The following BCL9 variants were observed in gnomAD, a reference collection of about 807,000 sequenced individuals.
The protein encoded by BCL9 is B-cell CLL/lymphoma 9 protein.
BCL9 carries 25 observed loss-of-function variants against 88.5 expected under a neutral mutation model. The observed-to-expected ratio is 0.28, with a 90% CI of 0.21 to 0.39. BCL9 has a LOEUF of 0.39. BCL9 is among the 10% of genes least tolerant of loss of function. The probability of loss-of-function intolerance (pLI) is 1.00; values close to 1 mark genes in which losing one functional copy is unlikely to be tolerated. For synonymous variants in BCL9, 711 were observed against 673.3 expected (o/e 1.06, Z -0.87); for missense variants, 1,817 against 1,877.8 (o/e 0.97, Z 0.60).
chr1:147,573,805 A>G (rs1655991163), intron 1 of BCL9, among the ~76,000 whole-genome samples: 1 of 152,176 alleles, frequency 6.6e-6, no homozygotes, highest in Non-Finnish European at 1.5e-5. Flanking sequence ...TCTTTAAGTC[A>G]CACAGCTGGT....
rs868931551 is a variant in BCL9 at position 147,619,441 on chromosome 1, C to T, written c.1286C>T (p.Pro429Leu). 1 of 1,614,114 alleles carries T rather than the reference C, an allele frequency of 6.2e-7. No homozygotes were observed. Among genetic ancestry groups the T allele is most frequent in the South Asian group, 1.1e-5 (1 of 91,074 alleles). Residue 429 changes from proline to leucine, a missense_variant, in exon 8 of 10, where the codon CCA becomes CTA. By Grantham distance (98) the Pro-to-Leu change is moderately conservative. Coordinates refer to ENST00000234739, the MANE Select transcript of BCL9 (RefSeq NM_004326.4). This position sits in a 1 kb window ranked among gnomAD's most constrained non-coding sequence, Gnocchi z 4.1. ...GGGCCCCGGACAGACGTGGGAGCTC[C>T]ATTTGGCCCTCAAGGACATAGAGAT... is the stretch of plus-strand genomic sequence containing the variant. ...GPGPRTDVGA[P>L]FGPQGHRDVP...
intron 1 of BCL9, among the ~76,000 whole-genome samples, chr1:147,568,840 A>T (rs932664170): frequency 2.1e-4 from 32 of 152,108 alleles, no homozygotes; most frequent in Admixed American, 2.1e-3. Flanking sequence ...TTTTCTCAGG[A>T]GTTTATGTCT....
intron 1 of BCL9, among the ~76,000 whole-genome samples, chr1:147,580,646 G>A (rs782150229): frequency 7.9e-5 from 12 of 152,134 alleles, no homozygotes; most frequent in Admixed American, 5.9e-4. Flanking sequence ...ATAGAAAAGC[G>A]AAGAATTAAA....
At chr1:147,613,986 G>A (rs782481288) in intron 5 of BCL9, among the ~76,000 whole-genome samples, 3 of 152,146 alleles carry the variant, frequency 2.0e-5, no homozygotes, top group African/African-American at 7.2e-5. Context: ...CCTGCTATGA[G>A]TGCCAGCACT....
chr1:147,570,630 C>CTTTTCTTTTTTTTTTTTT lies in BCL9; in HGVS notation c.-478+28960_-478+28961insCTTTTTTTTTTTTTTTTT, dbSNP rs1357272075. On this transcript the variant is annotated intron_variant, in intron 1 of 9. Coordinates refer to ENST00000234739, the MANE Select transcript of BCL9 (RefSeq NM_004326.4). ...TAACACAAAATTGTTGACTGATTTT[C>CTTTTCTTTTTTTTTTTTT]TTTTTTTTCTTTTTTTTTTTTGTAG... Among the ~76,000 whole-genome samples, 13 of 15,170 alleles carry CTTTTCTTTTTTTTTTTTT rather than the reference C, an allele frequency of 8.6e-4. 2 individuals are homozygous for CTTTTCTTTTTTTTTTTTT. Among genetic ancestry groups the CTTTTCTTTTTTTTTTTTT allele is most frequent in the East Asian group, 2.3e-3 (1 of 432 alleles). The allele number at this position is 15,170 out of a possible 152,430, so 10.0% of individuals were successfully genotyped here.
At chr1:147,580,102 A>G (rs1656298456) in intron 1 of BCL9, among the ~76,000 whole-genome samples, 1 of 152,194 alleles carries the variant, frequency 6.6e-6, no homozygotes, top group Admixed American at 6.5e-5. Flanking sequence ...CCTCCATGCC[A>G]TAGGTCTGGG....
At position 147,619,272 on chromosome 1, in the gene BCL9, C is replaced by G; in HGVS notation, c.1117C>G (p.Leu373Val). ...AACTCTCAGAGATATCCAGCGCATGCTTTTTCCTGATGAGAAAGAATTCAC... is the reference window on the plus strand; with the variant it reads ...AACTCTCAGAGATATCCAGCGCATGGTTTTTCCTGATGAGAAAGAATTCAC... ...LQTLRDIQRM[L>V]FPDEKEFTGA... Residue 373 changes from leucine (L) to valine (V), a missense_variant, in exon 8 of 10, where the codon CTT becomes GTT. By Grantham distance (32) the Leu-to-Val change is conservative. This residue lies in a region of BCL9 where 1,228 missense variants were observed against 1,191.6 expected (regional missense o/e 1.03). Coordinates refer to ENST00000234739, the MANE Select transcript of BCL9 (RefSeq NM_004326.4). This position sits in a 1 kb window ranked among gnomAD's most constrained non-coding sequence, Gnocchi z 4.1. 1 of 1,614,176 alleles carries G rather than the reference C, an allele frequency of 6.2e-7. No individual in the cohort carries two copies. Among genetic ancestry groups the G allele is most frequent in the Non-Finnish European group, 8.5e-7 (1 of 1,180,042 alleles).
intron 1 of BCL9, among the ~76,000 whole-genome samples, chr1:147,575,721 AT>A (rs1488460518): frequency 1.3e-5 from 2 of 152,166 alleles, no homozygotes; most frequent in Non-Finnish European, 2.9e-5. Flanking sequence ...CACTATATTT[AT>A]CTACTTAATG....
At chr1:147,623,541 C>T (rs914101491) in intron 9 of BCL9, among the ~76,000 whole-genome samples, 3 of 152,172 alleles carry the variant, frequency 2.0e-5, no homozygotes, top group Non-Finnish European at 2.9e-5. Context: ...TTAAATATCT[C>T]CAATGAGGAA....
intron 1 of BCL9, among the ~76,000 whole-genome samples, chr1:147,542,733 G>A (rs1654391619): frequency 1.3e-5 from 2 of 152,086 alleles, no homozygotes; most frequent in Admixed American, 1.3e-4. Flanking sequence ...TGGGGTGGGA[G>A]GGGTTGGGTT....
At chr1:147,584,591 G>C (rs370907909) in intron 1 of BCL9, among the ~76,000 whole-genome samples, 1 of 152,076 alleles carries the variant, frequency 6.6e-6, no homozygotes, top group Non-Finnish European at 1.5e-5. Flanking sequence ...TCTTGTTTTT[G>C]TTGCTGATTC....
At chr1:147,568,408 A>T (rs1655710268) in intron 1 of BCL9, among the ~76,000 whole-genome samples, 1 of 151,932 alleles carries the variant, frequency 6.6e-6, no homozygotes, top group African/African-American at 2.4e-5. Context: ...TGAAGGCTTA[A>T]ATTCCTTCTA....
chr1:147,584,747 G>A (rs1250984767), intron 1 of BCL9, among the ~76,000 whole-genome samples: 1 of 152,134 alleles, frequency 6.6e-6, no homozygotes, highest in Admixed American at 6.5e-5. Flanking sequence ...CCTTCTTTTG[G>A]TCAATTTGTC....
intron 3 of BCL9, among the ~76,000 whole-genome samples, chr1:147,607,247 T>C (rs898519109): frequency 3.3e-5 from 5 of 152,218 alleles, no homozygotes. Context: ...TGATGGATAC[T>C]TAGTTGATCC....
chr1:147,584,787 G>C (rs1234285642), intron 1 of BCL9, among the ~76,000 whole-genome samples: 1 of 152,208 alleles, frequency 6.6e-6, no homozygotes, highest in Non-Finnish European at 1.5e-5. Context: ...AGCTCCTAAA[G>C]TACACAAATG....
At chr1:147,580,857 A>G (rs1428393492) in intron 1 of BCL9, among the ~76,000 whole-genome samples, 2 of 152,148 alleles carry the variant, frequency 1.3e-5, no homozygotes, top group Non-Finnish European at 2.9e-5. Flanking sequence ...TTTTTCTTGT[A>G]TTATCTCTGA....
In BCL9 at chr1:147,550,327, A is replaced by G. The variant is rs2220950; in HGVS notation, c.-478+8653A>G. 3.0e-3 allele frequency among the ~76,000 whole-genome samples: 454 copies of G among 152,294 alleles called. 5 individuals carry two copies. The highest frequency in any genetic ancestry group is 6.8e-3 in the Middle Eastern group (2 of 294). ...ACGTAACTGGCAATGAATATATTTGACACAGCTAATATAAGCCCATTATGG... is the reference window on the plus strand; with the variant it reads ...ACGTAACTGGCAATGAATATATTTGGCACAGCTAATATAAGCCCATTATGG... On this transcript the variant is annotated intron_variant, in intron 1 of 9. Transcript: ENST00000234739.
chr1:147,619,066 G>A lies in BCL9; in HGVS notation c.911G>A (p.Gly304Glu). Residue 304 changes from glycine (G) to glutamate (E), a missense_variant, in exon 8 of 10, where the codon GGG becomes GAG. Gly to Glu is a moderately conservative substitution (Grantham distance 98). Coordinates refer to ENST00000234739, the MANE Select transcript of BCL9 (RefSeq NM_004326.4). This position sits in a 1 kb window ranked among gnomAD's most constrained non-coding sequence, Gnocchi z 4.1. ...SSTPLPPDGT[G>E]PNSTPNNRAV... Reference sequence around the variant, plus strand: ...ACTCCACTGCCCCCAGATGGTACTGGGCCCAACTCAACTCCCAACAATAGG... The same window carrying A: ...ACTCCACTGCCCCCAGATGGTACTGAGCCCAACTCAACTCCCAACAATAGG... 1.2e-6 allele frequency: 2 copies of A among 1,613,088 alleles called. No individual in the cohort carries two copies. Among genetic ancestry groups the A allele is most frequent in the Non-Finnish European group, 1.7e-6 (2 of 1,179,532 alleles).
At chr1:147,581,641 C>T (rs1283444057) in intron 1 of BCL9, among the ~76,000 whole-genome samples, 6 of 152,206 alleles carry the variant, frequency 3.9e-5, no homozygotes, top group Admixed American at 3.9e-4. Context: ...GGACCTACGT[C>T]AGCTCTTTAA....
Sources: allele counts gnomAD v4.1 joint callset (sites outside exome capture counted in the v4.1 genomes callset), GRCh38; gene constraint gnomAD v4.1.1; regional missense constraint gnomAD v4.1.1; non-coding constraint Gnocchi (gnomAD v3.1); transcripts MANE v1.5; gene names NCBI Gene and HGNC (gene_info 2026-07-23, HGNC 2026-07-21).